The following PDE4D variants were observed in gnomAD, a reference collection of about 807,000 sequenced individuals.
PDE4D encodes the protein phosphodiesterase 4D.
Under a neutral mutation model 87.4 loss-of-function variants are expected in PDE4D, and 24 were observed. That is an observed-to-expected ratio of 0.27 (90% CI 0.20 to 0.39). The LOEUF is 0.39. Among genes scored for constraint, PDE4D ranks in the 10% least tolerant of loss-of-function variants. The pLI is 1.00. For synonymous variants in PDE4D, 384 were observed against 383.2 expected, an observed-to-expected ratio of 1.00 and a Z score of -0.02; for missense variants, 714 against 1,041.0, an observed-to-expected ratio of 0.69 and a Z score of 4.32.
chr5:60,137,825 T>G (rs1267752018), intron 2 of PDE4D, among the ~76,000 whole-genome samples: 1 of 152,154 alleles, frequency 6.6e-6, no homozygotes, highest in Non-Finnish European at 1.5e-5. Flanking sequence ...TTTTTTGCAA[T>G]TGCTTTTGTC....
chr5:59,606,129 T>A (rs564283056), intron 1 of PDE4D, among the ~76,000 whole-genome samples: 2 of 152,148 alleles, frequency 1.3e-5, no homozygotes, highest in South Asian at 4.2e-4. Context: ...CTCAGAGCAA[T>A]GTGCTAGGAA....
chr5:60,355,975 C>A (rs56092226), intron 1 of PDE4D, among the ~76,000 whole-genome samples: 1,600 of 152,176 alleles, frequency 0.011, 20 homozygotes, highest in African/African-American at 0.037. Context: ...ATCAACTGTA[C>A]TTCACTTTAT....
chr5:58,985,528 G>A (rs146798524), intron 11 of PDE4D, among the ~76,000 whole-genome samples: 229 of 152,258 alleles, frequency 1.5e-3, no homozygotes, highest in Middle Eastern at 3.4e-3. Flanking sequence ...AATCCCCAGC[G>A]CCCCCCATGT....
At chr5:60,190,332 G>T (rs906224458) in intron 1 of PDE4D, among the ~76,000 whole-genome samples, 2 of 152,232 alleles carry the variant, frequency 1.3e-5, no homozygotes, top group South Asian at 4.1e-4. Context: ...ATCTGCTTCA[G>T]TTGGCCCTCT....
At chr5:59,964,819 T>C (rs1478216327) in intron 3 of PDE4D, among the ~76,000 whole-genome samples, 1 of 152,140 alleles carries the variant, frequency 6.6e-6, no homozygotes, top group African/African-American at 2.4e-5. Context: ...TTAATTGGTT[T>C]AGCATTACCA....
At chr5:59,696,521 C>T (rs749132396) in intron 1 of PDE4D, among the ~76,000 whole-genome samples, 2 of 152,084 alleles carry the variant, frequency 1.3e-5, no homozygotes, top group East Asian at 1.9e-4. Context: ...GTAAGAATGG[C>T]GCTAGTGGAG....
intron 2 of PDE4D, among the ~76,000 whole-genome samples, chr5:60,168,963 G>A (rs548076282): frequency 1.3e-5 from 2 of 152,248 alleles, no homozygotes; most frequent in East Asian, 3.9e-4. Context: ...TTGTTTCTCA[G>A]TATACCACTA....
At chr5:59,104,963 A>G (rs1771348061) in intron 5 of PDE4D, among the ~76,000 whole-genome samples, 1 of 152,218 alleles carries the variant, frequency 6.6e-6, no homozygotes, top group African/African-American at 2.4e-5. Context: ...GTACACCCAA[A>G]TTACATACTG....
chr5:59,193,406 T>C, intron 3 of PDE4D, 94 bp downstream of exon 3: 1 of 1,154,492 alleles, frequency 8.7e-7, no homozygotes, highest in Non-Finnish European at 1.3e-6. Context: ...TTGTGCTTGA[T>C]TTAAAATTAA....
chr5:60,277,524 G>A (rs1751494027), intron 1 of PDE4D, among the ~76,000 whole-genome samples: 1 of 152,020 alleles, frequency 6.6e-6, no homozygotes, highest in African/African-American at 2.4e-5. Context: ...AGTTATATAG[G>A]ATAAAGAATT....
At chr5:60,066,065 T>G (rs1582474632) in intron 2 of PDE4D, among the ~76,000 whole-genome samples, 1 of 152,170 alleles carries the variant, frequency 6.6e-6, no homozygotes, top group African/African-American at 2.4e-5. Context: ...TGTAAAAGTG[T>G]TCCTATTTCT....
At chr5:59,879,189 C>T (rs994191601) in intron 1 of PDE4D, among the ~76,000 whole-genome samples, 1 of 152,074 alleles carries the variant, frequency 6.6e-6, no homozygotes, top group Non-Finnish European at 1.5e-5. Context: ...CGTGAGCCAC[C>T]GCGCCCGGCC....
intron 2 of PDE4D, among the ~76,000 whole-genome samples, chr5:59,992,173 C>T (rs1021805513): frequency 6.6e-6 from 1 of 152,192 alleles, no homozygotes; most frequent in African/African-American, 2.4e-5. Flanking sequence ...TTTCCAGGGA[C>T]TCTTGGGCCT....
intron 1 of PDE4D, among the ~76,000 whole-genome samples, chr5:59,526,285 A>C (rs1018373250): frequency 2.6e-5 from 4 of 152,196 alleles, no homozygotes; most frequent in Non-Finnish European, 5.9e-5. Context: ...TATCTCTGTT[A>C]AGTCCTCAAA....
intron 1 of PDE4D, among the ~76,000 whole-genome samples, chr5:59,711,659 C>T (rs1754216248): frequency 6.6e-6 from 1 of 152,154 alleles, no homozygotes; most frequent in South Asian, 2.1e-4. Context: ...AATACAAGAT[C>T]TGCTCTTTAT....
At chr5:60,118,561 T>TTGTGTGTGTG (rs34503506) in intron 2 of PDE4D, among the ~76,000 whole-genome samples, 3,555 of 144,246 alleles carry the variant, frequency 0.025, 65 homozygotes, top group African/African-American at 0.036. Context: ...TGGATGTAGG[T>TTGTGTGTGTG]TGTGTGTGTG....
intron 1 of PDE4D, among the ~76,000 whole-genome samples, chr5:59,657,402 C>A (rs1029780466): frequency 6.6e-6 from 1 of 151,986 alleles, no homozygotes; most frequent in Non-Finnish European, 1.5e-5. Context: ...TTTTTCATCA[C>A]CAATAAATTA....
chr5:60,131,939 T>A (rs1392248715), intron 2 of PDE4D, among the ~76,000 whole-genome samples: 1 of 152,212 alleles, frequency 6.6e-6, no homozygotes, highest in Admixed American at 6.5e-5. Flanking sequence ...CCTCTACAAA[T>A]ATTCTCTGCA....
chr5:60,134,608 T>A (rs1322578873), intron 2 of PDE4D, among the ~76,000 whole-genome samples: 11 of 152,220 alleles, frequency 7.2e-5, no homozygotes, highest in Admixed American at 7.2e-4. Context: ...CCATGGATGC[T>A]CAAGCCCCTG....
Sources: allele counts gnomAD v4.1 joint callset (sites outside exome capture counted in the v4.1 genomes callset), GRCh38; gene constraint gnomAD v4.1.1; transcripts MANE v1.5; gene names NCBI Gene and HGNC (gene_info 2026-07-23, HGNC 2026-07-21).